The following CRTC3 variants were observed in gnomAD, a reference collection of about 807,000 sequenced individuals.
CRTC3 encodes CREB-regulated transcription coactivator 3.
Under a neutral mutation model 74.5 loss-of-function variants are expected in CRTC3, and 26 were observed. The ratio of observed to expected loss-of-function variants is 0.35; its 90% CI spans 0.26 to 0.48. The LOEUF (loss-of-function observed/expected upper bound fraction) is 0.48, where lower values mean the gene tolerates loss of function less well. Among genes scored for constraint, CRTC3 ranks in the 20% least tolerant of loss-of-function variants. The pLI is 0.99. For synonymous variants in CRTC3, 377 were observed against 325.8 expected (o/e 1.16, Z -1.69); for missense variants, 760 against 787.3 (o/e 0.97, Z 0.41).
At chr15:90,582,649 A>G (rs1244857745) in intron 2 of CRTC3, among the ~76,000 whole-genome samples, 1 of 152,246 alleles carries the variant, frequency 6.6e-6, no homozygotes, top group Non-Finnish European at 1.5e-5. Context: ...TATACAAAAA[A>G]ATAGAAAGCT....
intron 10 of CRTC3, among the ~76,000 whole-genome samples, chr15:90,628,781 C>T (rs530506696): frequency 6.6e-5 from 10 of 152,012 alleles, no homozygotes; most frequent in Non-Finnish European, 1.3e-4. Flanking sequence ...ACCAAGACAG[C>T]TCCCCAAGGG....
intron 9 of CRTC3, among the ~76,000 whole-genome samples, chr15:90,625,406 G>T (rs1415717702): frequency 6.6e-6 from 1 of 152,240 alleles, no homozygotes; most frequent in East Asian, 1.9e-4. Context: ...GTTACTCAGA[G>T]ATACTTTTTC....
intron 13 of CRTC3, among the ~76,000 whole-genome samples, chr15:90,640,625 T>C (rs1969403109): frequency 1.3e-5 from 2 of 151,750 alleles, no homozygotes; most frequent in Non-Finnish European, 2.9e-5. Flanking sequence ...GAGGTTTCAG[T>C]GAGCCGAGAT....
intron 5 of CRTC3, among the ~76,000 whole-genome samples, chr15:90,605,035 A>G (rs1968178548): frequency 6.6e-6 from 1 of 152,108 alleles, no homozygotes; most frequent in African/African-American, 2.4e-5. Flanking sequence ...CTGAGGCCAG[A>G]GGATCGTGTG....
chr15:90,546,162 A>G (rs531175739), intron 2 of CRTC3, among the ~76,000 whole-genome samples: 3 of 152,048 alleles, frequency 2.0e-5, no homozygotes, highest in South Asian at 2.1e-4. Context: ...GTGTTTCTCT[A>G]TTAGTTTTAT....
chr15:90,625,079 T>C (rs1968784533), intron 9 of CRTC3: 1 of 152,634 alleles, frequency 6.6e-6, no homozygotes, highest in Admixed American at 6.5e-5. Context: ...TATGTCAGGA[T>C]AGACACATAG....
intron 8 of CRTC3, among the ~76,000 whole-genome samples, chr15:90,619,332 C>T (rs1968577422): frequency 6.6e-6 from 1 of 152,130 alleles, no homozygotes; most frequent in African/African-American, 2.4e-5. Context: ...TGGTGCATGC[C>T]TGTGATCCCA....
At chr15:90,543,915 C>T (rs1469234489) in intron 2 of CRTC3, among the ~76,000 whole-genome samples, 1 of 152,164 alleles carries the variant, frequency 6.6e-6, no homozygotes, top group Non-Finnish European at 1.5e-5. Context: ...AGTTTTGACT[C>T]TTCCAGTGTC....
intron 2 of CRTC3, among the ~76,000 whole-genome samples, chr15:90,541,558 A>C (rs1966802044): frequency 6.6e-6 from 1 of 152,156 alleles, no homozygotes; most frequent in Non-Finnish European, 1.5e-5. Flanking sequence ...TACCTTATAT[A>C]TTAACCCACT....
In CRTC3 at chr15:90,614,443, T is replaced by C; in HGVS notation, c.578-10T>C. 1 of 1,603,856 alleles carries C rather than the reference T, an allele frequency of 6.2e-7. No individual in the cohort carries two copies. The highest frequency in any genetic ancestry group is 8.5e-7 in the Non-Finnish European group (1 of 1,171,562). ...AGTGTTTTCTTTTTTTCTTTTTCCTTTCCCGCTAGGTTTCTGTGATGGTGA... is the reference window on the plus strand; with the variant it reads ...AGTGTTTTCTTTTTTTCTTTTTCCTCTCCCGCTAGGTTTCTGTGATGGTGA... On this transcript the variant is annotated splice_polypyrimidine_tract_variant and intron_variant, in intron 6 of 14. Transcript: ENST00000268184.
At chr15:90,634,261 C>T (rs1969152980) in intron 11 of CRTC3, among the ~76,000 whole-genome samples, 1 of 151,952 alleles carries the variant, frequency 6.6e-6, no homozygotes, top group Non-Finnish European at 1.5e-5. Flanking sequence ...TACAGGTGCA[C>T]ACCACCACAC....
At chr15:90,574,834 A>G (rs974332188) in intron 2 of CRTC3, among the ~76,000 whole-genome samples, 3 of 152,014 alleles carry the variant, frequency 2.0e-5, no homozygotes, top group African/African-American at 7.3e-5. Context: ...AACCATTTGT[A>G]TTATGTTTAC....
intron 14 of CRTC3, 119 bp from the exon 15 acceptor site, chr15:90,641,813 G>A (rs1969455245): frequency 1.2e-5 from 9 of 745,800 alleles, no homozygotes; most frequent in Middle Eastern, 4.0e-4. Context: ...TGGGCCTGGG[G>A]GTGGTCAGGA....
chr15:90,621,811 A>G (rs1183961356), intron 9 of CRTC3, among the ~76,000 whole-genome samples: 1 of 152,210 alleles, frequency 6.6e-6, no homozygotes, highest in Non-Finnish European at 1.5e-5. Context: ...TACTTTACAG[A>G]TAGAATTCCA....
In CRTC3 at chr15:90,629,378, AC is replaced by A. The variant is rs1238438821; in HGVS notation, c.1115del (p.Pro372HisfsTer8). 6.2e-7 allele frequency: 1 copy of A among 1,611,816 alleles called. No individual in the cohort carries two copies. ...HPSLRLFSLSNPSLSTTNLSG... is the reference protein window; with the variant it reads ...HPSLRLFSLSXPSLSTTNLSG... Reference sequence around the variant, plus strand: ...TCGCTCCGTCTGTTTTCCCTTAGCAACCCATCTCTTTCCACCACAAACCTGA... The same window carrying A: ...TCGCTCCGTCTGTTTTCCCTTAGCAACCATCTCTTTCCACCACAAACCTGA... On this transcript the variant is annotated frameshift_variant, in exon 11 of 15. Coordinates refer to ENST00000268184, the MANE Select transcript of CRTC3 (RefSeq NM_022769.5). LOFTEE classifies it high-confidence loss of function.
At position 90,539,898 on chromosome 15, in the gene CRTC3, G is replaced by A. The variant is rs1966775815; in HGVS notation, c.133-141G>A. On this transcript the variant is annotated intron_variant, in intron 1 of 14. Transcript: ENST00000268184. ...AAACCCAGAAAGCACCGGAAACCTT[G>A]AGGGTGTGATCACTTACGTCGAGAA... 3 of 662,534 alleles carry A rather than the reference G, an allele frequency of 4.5e-6. No individual in the cohort carries two copies. The East Asian group carries it at 8.4e-5, about 18-fold the overall frequency. The allele number at this position is 662,534 out of a possible 1,614,324, so 41.0% of individuals were successfully genotyped here.
intron 11 of CRTC3, 115 bp downstream of exon 11, chr15:90,629,647 G>A: frequency 1.0e-6 from 1 of 972,552 alleles, no homozygotes; most frequent in East Asian, 2.6e-5. Flanking sequence ...AAGCACCCAT[G>A]AGGTCTCAAG....
chr15:90,616,026 A>AT (rs35766109), intron 7 of CRTC3, among the ~76,000 whole-genome samples: 6,497 of 146,108 alleles, frequency 0.044, 454 homozygotes, highest in African/African-American at 0.15. Flanking sequence ...CACCCAGCTA[A>AT]TTTTTTTTTT....
intron 10 of CRTC3, among the ~76,000 whole-genome samples, chr15:90,627,687 T>C (rs1259680132): frequency 6.6e-6 from 1 of 151,348 alleles, no homozygotes; most frequent in Non-Finnish European, 1.5e-5. Context: ...AGTGGCGCCA[T>C]CTCGGCTCAC....
Sources: allele counts gnomAD v4.1 joint callset (sites outside exome capture counted in the v4.1 genomes callset), GRCh38; gene constraint gnomAD v4.1.1; transcripts MANE v1.5; gene names NCBI Gene and HGNC (gene_info 2026-07-23, HGNC 2026-07-21).